AFG2A: variants seen among roughly 807,000 people sequenced by gnomAD.
AFG2A encodes ATPase family gene 2 protein homolog A.
At chr4:123,038,517 T>C in the AFG2A span, among the ~76,000 whole-genome samples, 1 of 152,100 alleles carries the variant, frequency 6.6e-6, no homozygotes, top group Non-Finnish European at 1.5e-5. Flanking sequence ...ACAGTGATTT[T>C]TGGCAACTTA....
the AFG2A span, among the ~76,000 whole-genome samples, chr4:123,175,096 A>G: frequency 6.6e-6 from 1 of 152,126 alleles, no homozygotes; most frequent in Non-Finnish European, 1.5e-5. Flanking sequence ...TAATCTTGAT[A>G]TGAGGAAGAA....
At chr4:123,076,290 T>G in the AFG2A span, among the ~76,000 whole-genome samples, 426 of 148,580 alleles carry the variant, frequency 2.9e-3, 8 homozygotes, top group Admixed American at 0.028. Context: ...GCATGAAAAG[T>G]TTTTTTTTTC....
At chr4:123,013,606 G>A in the AFG2A span, among the ~76,000 whole-genome samples, 4 of 152,222 alleles carry the variant, frequency 2.6e-5, no homozygotes, top group African/African-American at 9.6e-5. Flanking sequence ...GGGTTGGGGG[G>A]CAAGGGAAGG....
the AFG2A span, among the ~76,000 whole-genome samples, chr4:123,130,793 A>T: frequency 6.6e-6 from 1 of 152,226 alleles, no homozygotes; most frequent in Non-Finnish European, 1.5e-5. Context: ...TTACTGAATC[A>T]TAGGGTAATT....
the AFG2A span, among the ~76,000 whole-genome samples, chr4:122,974,647 C>CA: frequency 2.7e-5 from 4 of 149,142 alleles, no homozygotes; most frequent in Non-Finnish European, 1.5e-5. Flanking sequence ...GTGGAAAACT[C>CA]TTTTTTTTTT....
the AFG2A span, among the ~76,000 whole-genome samples, chr4:123,197,770 A>AAAAT: frequency 0.51 from 76,680 of 149,364 alleles, 22,564 homozygotes; most frequent in Non-Finnish European, 0.65. Flanking sequence ...TCCATCTCAA[A>AAAAT]AAATAAATAA....
At chr4:123,310,980 C>T in the AFG2A span, among the ~76,000 whole-genome samples, 34 of 152,290 alleles carry the variant, frequency 2.2e-4, no homozygotes, top group African/African-American at 6.0e-4. Flanking sequence ...GAAGAAGTCA[C>T]GTTCATATTG....
chr4:123,006,429 A>G, the AFG2A span, among the ~76,000 whole-genome samples: 1 of 151,924 alleles, frequency 6.6e-6, no homozygotes, highest in Non-Finnish European at 1.5e-5. Context: ...TTGAGCTTAC[A>G]GTGTTAGTCA....
At chr4:123,199,462 G>GTTTTTTTT in the AFG2A span, among the ~76,000 whole-genome samples, 19 of 47,444 alleles carry the variant, frequency 4.0e-4, no homozygotes, top group African/African-American at 1.1e-3. Context: ...ATACTCAGAG[G>GTTTTTTTT]TTTTTTTTTT....
the AFG2A span, among the ~76,000 whole-genome samples, chr4:122,943,868 A>G: frequency 6.6e-6 from 1 of 151,840 alleles, no homozygotes; most frequent in Non-Finnish European, 1.5e-5. Flanking sequence ...TTGTCTGTAA[A>G]GTATTTTATT....
chr4:123,076,135 A>T, the AFG2A span, among the ~76,000 whole-genome samples: 1 of 151,880 alleles, frequency 6.6e-6, no homozygotes, highest in South Asian at 2.1e-4. Flanking sequence ...GCCAGGCACG[A>T]TGGCACAAAC....
the AFG2A span, among the ~76,000 whole-genome samples, chr4:123,007,564 GTATA>G: frequency 0.058 from 1,937 of 33,358 alleles, 30 homozygotes; most frequent in African/African-American, 0.083. Context: ...GTGTGTGTGT[GTATA>G]TGTGTGTGTG....
At chr4:123,078,989 T>G in the AFG2A span, among the ~76,000 whole-genome samples, 1,438 of 152,320 alleles carry the variant, frequency 9.4e-3, 32 homozygotes, top group African/African-American at 0.032. Context: ...TTCTTCTGTT[T>G]TGCATTGTTT....
chr4:122,960,802 C>T, the AFG2A span, among the ~76,000 whole-genome samples: 1 of 152,132 alleles, frequency 6.6e-6, no homozygotes, highest in South Asian at 2.1e-4. Flanking sequence ...CCTCCACCCC[C>T]AACTAGCTTA....
At chr4:123,007,040 G>T in the AFG2A span, among the ~76,000 whole-genome samples, 1 of 151,212 alleles carries the variant, frequency 6.6e-6, no homozygotes, top group African/African-American at 2.4e-5. Flanking sequence ...TCTAGACATT[G>T]TAAATTTTAC....
chr4:123,153,923 C>T, the AFG2A span, among the ~76,000 whole-genome samples: 2 of 152,186 alleles, frequency 1.3e-5, no homozygotes, highest in Admixed American at 1.3e-4. Flanking sequence ...CTTTAAAGTT[C>T]TTAAAGAAAA....
chr4:123,006,444 T>TG, the AFG2A span, among the ~76,000 whole-genome samples: 1 of 152,004 alleles, frequency 6.6e-6, no homozygotes, highest in African/African-American at 2.4e-5. Flanking sequence ...TAGTCAAATT[T>TG]GAAAAAAAAA....
the AFG2A span, among the ~76,000 whole-genome samples, chr4:123,274,567 G>A: frequency 1.3e-5 from 2 of 150,376 alleles, no homozygotes; most frequent in African/African-American, 4.9e-5. Context: ...GGCAAGGTTC[G>A]GATTAATTAT....
the AFG2A span, among the ~76,000 whole-genome samples, chr4:122,933,131 C>T: frequency 1.3e-5 from 2 of 151,978 alleles, no homozygotes; most frequent in Non-Finnish European, 2.9e-5. Context: ...TTCAGTGTAC[C>T]CTGCATTTCT....
Sources: gnomAD v4.1 joint callset for allele counts (sites outside exome capture counted in the v4.1 genomes callset) on GRCh38, gnomAD v4.1.1 for gene constraint, MANE v1.5 for transcripts, NCBI Gene and HGNC (gene_info 2026-07-23, HGNC 2026-07-21) for gene names.